ST6GALNAC3: variants seen among roughly 807,000 people sequenced by gnomAD.
ST6GALNAC3 encodes the protein ST6 N-acetylgalactosaminide alpha-2,6-sialyltransferase 3.
In ST6GALNAC3, 25 loss-of-function variants were observed where a neutral mutation model predicts 32.7. That is an observed-to-expected ratio of 0.76 (90% CI 0.56 to 1.07). The LOEUF (loss-of-function observed/expected upper bound fraction) is 1.07. ST6GALNAC3 is among the 50% of genes least tolerant of loss of function. The probability of loss-of-function intolerance (pLI) is 0.00; values close to 1 mark genes in which losing one functional copy is unlikely to be tolerated. For missense variants in ST6GALNAC3, 355 were observed against 382.4 expected (o/e 0.93, Z 0.60); for synonymous variants, 129 against 133.1 (o/e 0.97, Z 0.21).
At position 76,629,995 on chromosome 1, in the gene ST6GALNAC3, G is replaced by A. The variant is rs951971587; in HGVS notation, c.*1189G>A. On this transcript the variant is annotated 3_prime_UTR_variant, in exon 5 of 5. Transcript: ENST00000328299. The stretch of plus-strand genomic sequence containing the variant: ...ATGCCACAATAACAACAATAATAAT[G>A]TTCTTAATGTCCAAAGTGCTTTGTC... 1.0e-6 allele frequency: 1 copy of A among 984,956 alleles called. No homozygotes were observed. Among genetic ancestry groups the A allele is most frequent in the Admixed American group, 6.2e-5 (1 of 16,192 alleles). 61.0% of individuals were successfully genotyped at this position (984,956 alleles called of 1,614,324 possible).
At chr1:76,411,957 T>A in intron 2 of ST6GALNAC3, 51 bp from the exon 3 acceptor site, 1 of 1,567,644 alleles carries the variant, frequency 6.4e-7, no homozygotes. Flanking sequence ...AGGAACTTGT[T>A]TGACTAAGTG....
At chr1:76,434,926 G>C (rs942148925) in intron 3 of ST6GALNAC3, among the ~76,000 whole-genome samples, 4 of 151,788 alleles carry the variant, frequency 2.6e-5, no homozygotes, top group Admixed American at 6.6e-5. Flanking sequence ...GAGTAGCTGG[G>C]ACTACAGGCA....
At chr1:76,144,795 A>C (rs1404126621) in intron 1 of ST6GALNAC3, among the ~76,000 whole-genome samples, 1 of 152,176 alleles carries the variant, frequency 6.6e-6, no homozygotes, top group African/African-American at 2.4e-5. Flanking sequence ...GCTTCTATGA[A>C]TTTCTCAAAC....
intron 3 of ST6GALNAC3, among the ~76,000 whole-genome samples, chr1:76,444,513 A>G (rs935482860): frequency 6.6e-6 from 1 of 152,224 alleles, no homozygotes; most frequent in African/African-American, 2.4e-5. Flanking sequence ...AAAACGTGAA[A>G]AAGAATAAAT....
chr1:76,323,871 T>C (rs11162123), intron 2 of ST6GALNAC3, among the ~76,000 whole-genome samples: 26,997 of 152,142 alleles, frequency 0.18, 3,297 homozygotes, highest in African/African-American at 0.35. Context: ...TAGAATTTTT[T>C]TTTTTTGAGA....
chr1:76,487,557 G>A (rs1053010025), intron 3 of ST6GALNAC3, among the ~76,000 whole-genome samples: 4 of 152,132 alleles, frequency 2.6e-5, no homozygotes, highest in African/African-American at 4.8e-5. Context: ...TAGTTCTCGT[G>A]CCATGGTTTT....
chr1:76,328,233 G>A (rs562786066), intron 2 of ST6GALNAC3, among the ~76,000 whole-genome samples: 22 of 152,138 alleles, frequency 1.4e-4, no homozygotes, highest in Admixed American at 1.2e-3. Flanking sequence ...TCCTTTGCTC[G>A]GGAGTCACCT....
rs149611665 is a variant in ST6GALNAC3, at chr1:76,148,802, G to A, written c.18+73918G>A. On this transcript the variant is annotated intron_variant, in intron 1 of 4. Transcript: ENST00000328299. ...ACCCTTTCTAATACAGCTTTTCCAC[G>A]TATTCATGTATCACCACCTGAAACT... Among the ~76,000 whole-genome samples, 80 of 152,218 alleles carry A rather than the reference G, an allele frequency of 5.3e-4. 3 individuals are homozygous for A. In the East Asian group the frequency reaches 0.012, roughly 23 times the overall value.
intron 2 of ST6GALNAC3, among the ~76,000 whole-genome samples, chr1:76,334,371 A>G (rs1156382580): frequency 6.6e-6 from 1 of 152,130 alleles, no homozygotes; most frequent in Non-Finnish European, 1.5e-5. Flanking sequence ...TTTTGTGGAA[A>G]TCACAACAGC....
At chr1:76,263,218 G>C (rs986292473) in intron 1 of ST6GALNAC3, among the ~76,000 whole-genome samples, 2 of 152,100 alleles carry the variant, frequency 1.3e-5, no homozygotes, top group South Asian at 4.1e-4. Flanking sequence ...ATCTCTGTCA[G>C]CTTCAGTTTC....
At chr1:76,249,232 G>T (rs1449093940) in intron 1 of ST6GALNAC3, among the ~76,000 whole-genome samples, 1 of 152,138 alleles carries the variant, frequency 6.6e-6, no homozygotes, top group African/African-American at 2.4e-5. Context: ...TACAAACTAA[G>T]TATCTATTAA....
At chr1:76,503,740 ATG>A (rs1433800027) in intron 3 of ST6GALNAC3, among the ~76,000 whole-genome samples, 2 of 152,168 alleles carry the variant, frequency 1.3e-5, no homozygotes, top group Admixed American at 6.5e-5. Context: ...ATCAGCTGAA[ATG>A]TGTGTTTGGT....
chr1:76,149,562 A>C (rs1268840342), intron 1 of ST6GALNAC3, among the ~76,000 whole-genome samples: 1 of 152,252 alleles, frequency 6.6e-6, no homozygotes, highest in Non-Finnish European at 1.5e-5. Flanking sequence ...GATTACCACA[A>C]TCAAAGCTAT....
chr1:76,465,351 G>A (rs1226960203), intron 3 of ST6GALNAC3, among the ~76,000 whole-genome samples: 1 of 152,116 alleles, frequency 6.6e-6, no homozygotes, highest in Non-Finnish European at 1.5e-5. Context: ...TTGGAAACAA[G>A]CATTTTCACA....
intron 1 of ST6GALNAC3, among the ~76,000 whole-genome samples, chr1:76,076,027 T>C (rs1449279723): frequency 6.6e-6 from 1 of 152,200 alleles, no homozygotes; most frequent in Non-Finnish European, 1.5e-5. Flanking sequence ...TTTCCCCTTC[T>C]TTGCGTAAAG....
intron 1 of ST6GALNAC3, among the ~76,000 whole-genome samples, chr1:76,120,203 G>A (rs183677747): frequency 4.9e-4 from 75 of 152,362 alleles, no homozygotes; most frequent in Middle Eastern, 3.4e-3. Context: ...AGTCTGGCAA[G>A]GCTGGACTGG....
chr1:76,209,837 T>G (rs1260095595), intron 1 of ST6GALNAC3, among the ~76,000 whole-genome samples: 1 of 152,220 alleles, frequency 6.6e-6, no homozygotes, highest in Non-Finnish European at 1.5e-5. Context: ...CCCTTCCTGC[T>G]GAATCTAAGC....
intron 3 of ST6GALNAC3, among the ~76,000 whole-genome samples, chr1:76,571,601 CA>C (rs1480471957): frequency 6.6e-6 from 1 of 152,052 alleles, no homozygotes; most frequent in East Asian, 1.9e-4. Flanking sequence ...ATTATAAATG[CA>C]AATACTTTTT....
intron 2 of ST6GALNAC3, among the ~76,000 whole-genome samples, chr1:76,398,609 G>A (rs1653168463): frequency 6.6e-6 from 1 of 152,052 alleles, no homozygotes; most frequent in African/African-American, 2.4e-5. Flanking sequence ...CTGGATAGTA[G>A]CCCTTACACA....
Sources: gnomAD v4.1 joint callset for allele counts (sites outside exome capture counted in the v4.1 genomes callset) on GRCh38, gnomAD v4.1.1 for gene constraint, MANE v1.5 for transcripts, NCBI Gene and HGNC (gene_info 2026-07-23, HGNC 2026-07-21) for gene names.